Variants in SH2D4A observed in about 807,000 individuals in gnomAD.
SH2D4A encodes SH2 domain containing 4A.
In SH2D4A, 70 loss-of-function variants were observed where a neutral mutation model predicts 64.7. The observed-to-expected ratio is 1.08, with a 90% CI of 0.89 to 1.32. The LOEUF (loss-of-function observed/expected upper bound fraction) is 1.32, where lower values mean the gene tolerates loss of function less well. Ranked by LOEUF, SH2D4A falls within the 40% of genes most tolerant of loss-of-function variation. SH2D4A has a pLI of 0.00. For synonymous variants in SH2D4A, 268 were observed against 200.7 expected (o/e 1.34, Z -2.83); for missense variants, 706 against 540.1 (o/e 1.31, Z -3.04).
At chr8:19,381,920 C>G (rs1385998008) in intron 8 of SH2D4A, among the ~76,000 whole-genome samples, 1 of 151,486 alleles carries the variant, frequency 6.6e-6, no homozygotes, top group Non-Finnish European at 1.5e-5. Flanking sequence ...TTTCATTTAT[C>G]CTGTTAATAC....
intron 4 of SH2D4A, among the ~76,000 whole-genome samples, chr8:19,337,931 C>T (rs1051822716): frequency 6.6e-5 from 10 of 152,112 alleles, no homozygotes; most frequent in Admixed American, 3.3e-4. Context: ...AGAAGAAGGC[C>T]GAGTGAAGAA....
chr8:19,317,138 G>A (rs1231559130), intron 1 of SH2D4A, among the ~76,000 whole-genome samples: 2 of 152,106 alleles, frequency 1.3e-5, no homozygotes, highest in African/African-American at 2.4e-5. Flanking sequence ...TGATTTCTGC[G>A]AAAACCAACC....
intron 8 of SH2D4A, among the ~76,000 whole-genome samples, chr8:19,392,677 A>T (rs2153652652): frequency 6.6e-6 from 1 of 152,198 alleles, no homozygotes; most frequent in Admixed American, 6.5e-5. Flanking sequence ...AGACCCTTAT[A>T]AACCGTCTAA....
intron 8 of SH2D4A, among the ~76,000 whole-genome samples, chr8:19,385,653 CCTT>C (rs1195657896): frequency 2.6e-5 from 4 of 152,166 alleles, no homozygotes; most frequent in East Asian, 1.9e-4. Flanking sequence ...TCCCAACTTC[CCTT>C]CTTCTACTCC....
At chr8:19,333,376 A>C (rs2052394359) in intron 3 of SH2D4A, among the ~76,000 whole-genome samples, 1 of 152,212 alleles carries the variant, frequency 6.6e-6, no homozygotes, top group Admixed American at 6.5e-5. Context: ...TAGTGCTGTC[A>C]AATCAGCTGC....
At chr8:19,318,180 A>T (rs911088777) in intron 1 of SH2D4A, among the ~76,000 whole-genome samples, 1 of 152,224 alleles carries the variant, frequency 6.6e-6, no homozygotes, top group African/African-American at 2.4e-5. Context: ...CTGGGATTAC[A>T]GGCGTGAGCC....
intron 2 of SH2D4A, among the ~76,000 whole-genome samples, chr8:19,330,605 C>G (rs2117201452): frequency 6.6e-6 from 1 of 152,214 alleles, no homozygotes; most frequent in African/African-American, 2.4e-5. Flanking sequence ...GCAGCAATGC[C>G]CCTTTTCCCT....
At chr8:19,370,001 A>T (rs916746288) in intron 7 of SH2D4A, among the ~76,000 whole-genome samples, 1 of 151,962 alleles carries the variant, frequency 6.6e-6, no homozygotes, top group Admixed American at 6.6e-5. Context: ...AGGATTTGGT[A>T]TGTTGTTTTC....
intron 1 of SH2D4A, among the ~76,000 whole-genome samples, 188 bp from the exon 2 acceptor site, chr8:19,319,155 CT>C (rs754464210): frequency 6.0e-5 from 9 of 151,124 alleles, no homozygotes; most frequent in Admixed American, 1.3e-4. Flanking sequence ...GACAGAGTAT[CT>C]TTAGAAATTA....
chr8:19,338,388 C>T (rs1235937265), intron 4 of SH2D4A, among the ~76,000 whole-genome samples: 4 of 152,298 alleles, frequency 2.6e-5, no homozygotes, highest in Admixed American at 2.0e-4. Context: ...CTCAGACCCA[C>T]GAACACGTTA....
intron 2 of SH2D4A, among the ~76,000 whole-genome samples, chr8:19,320,168 C>T (rs1391057384): frequency 6.6e-6 from 1 of 152,080 alleles, no homozygotes; most frequent in African/African-American, 2.4e-5. Flanking sequence ...GGGAACACCT[C>T]CTGTTAAAAT....
intron 4 of SH2D4A, among the ~76,000 whole-genome samples, chr8:19,338,863 T>C (rs924887514): frequency 5.3e-5 from 8 of 152,220 alleles, no homozygotes; most frequent in Non-Finnish European, 8.8e-5. Flanking sequence ...AGGTATTGTA[T>C]TGGTCAGGGT....
chr8:19,369,119 T>C (rs2053051470), intron 7 of SH2D4A, among the ~76,000 whole-genome samples: 1 of 152,186 alleles, frequency 6.6e-6, no homozygotes, highest in Admixed American at 6.5e-5. Flanking sequence ...TCTGTTAATG[T>C]GATGTGTCAT....
At position 19,384,213 on chromosome 8, in the gene SH2D4A, G is replaced by A. The variant is rs182253022; in HGVS notation, c.1049-9105G>A. Among the ~76,000 whole-genome samples, 803 of 152,260 alleles carry A rather than the reference G, an allele frequency of 5.3e-3. 2 individuals are homozygous for A. The highest frequency in any genetic ancestry group is 8.0e-3 in the Non-Finnish European group (547 of 68,024). ...CACCTCAGAAGGCAACAGTAATTTG[G>A]AAGGACAGAGGGTCAACACCCTCAC... On this transcript the variant is annotated intron_variant, in intron 8 of 9. Transcript: ENST00000265807.
chr8:19,384,236 C>T (rs554741367), intron 8 of SH2D4A, among the ~76,000 whole-genome samples: 1 of 152,252 alleles, frequency 6.6e-6, no homozygotes, highest in Admixed American at 6.5e-5. Context: ...TCAACACCCT[C>T]ACCAACAGAG....
chr8:19,363,585 C>G (rs1419877829), intron 6 of SH2D4A, among the ~76,000 whole-genome samples: 1 of 152,146 alleles, frequency 6.6e-6, no homozygotes, highest in Non-Finnish European at 1.5e-5. Flanking sequence ...GCTTCTCATT[C>G]TGTCCTGCTC....
intron 8 of SH2D4A, among the ~76,000 whole-genome samples, chr8:19,389,449 T>C (rs1257490685): frequency 6.6e-6 from 1 of 152,202 alleles, no homozygotes; most frequent in Non-Finnish European, 1.5e-5. Flanking sequence ...ATTTTCATTA[T>C]CACACACAGA....
intron 5 of SH2D4A, among the ~76,000 whole-genome samples, chr8:19,357,899 G>A (rs781033664): frequency 7.9e-5 from 12 of 152,120 alleles, no homozygotes; most frequent in Admixed American, 3.3e-4. Context: ...AAACAGCAGC[G>A]TAAGATGTGA....
chr8:19,374,490 G>C (rs2053161141), intron 8 of SH2D4A, among the ~76,000 whole-genome samples: 1 of 152,172 alleles, frequency 6.6e-6, no homozygotes, highest in Non-Finnish European at 1.5e-5. Context: ...TTTGCATTAT[G>C]TTTAAGGCAT....
Sources: allele counts gnomAD v4.1 joint callset (sites outside exome capture counted in the v4.1 genomes callset), GRCh38; gene constraint gnomAD v4.1.1; transcripts MANE v1.5; gene names NCBI Gene and HGNC (gene_info 2026-07-23, HGNC 2026-07-21).